CPVL: variants seen among roughly 807,000 people sequenced by gnomAD.
CPVL encodes carboxypeptidase vitellogenic like.
Under a neutral mutation model 63.7 loss-of-function variants are expected in CPVL, and 51 were observed. The ratio of observed to expected loss-of-function variants is 0.80; its 90% CI spans 0.64 to 1.01. The LOEUF is 1.01. Ranked by LOEUF, CPVL falls within the 50% of genes least tolerant of loss-of-function variation. The pLI is 0.00. For missense variants in CPVL, 530 were observed against 573.1 expected (o/e 0.92, Z 0.77); for synonymous variants, 195 against 206.0 (o/e 0.95, Z 0.46).
chr7:29,001,914 C>T (rs1034821872), intron 12 of CPVL, among the ~76,000 whole-genome samples: 2 of 152,136 alleles, frequency 1.3e-5, no homozygotes, highest in African/African-American at 4.8e-5. Flanking sequence ...TGTACCAAAC[C>T]AATCTTATTC....
intron 11 of CPVL, among the ~76,000 whole-genome samples, chr7:29,040,973 G>A (rs749214227): frequency 7.2e-5 from 11 of 151,998 alleles, no homozygotes; most frequent in Non-Finnish European, 1.6e-4. Flanking sequence ...GAATGATCCA[G>A]AATAATTCTT....
chr7:29,024,074 G>A (rs573241135), intron 12 of CPVL, among the ~76,000 whole-genome samples: 21 of 152,160 alleles, frequency 1.4e-4, no homozygotes, highest in African/African-American at 5.1e-4. Context: ...AGATAACACA[G>A]ATAAATAATA....
At chr7:29,130,946 T>C (rs2128657513) in intron 1 of CPVL, among the ~76,000 whole-genome samples, 1 of 152,306 alleles carries the variant, frequency 6.6e-6, no homozygotes, top group East Asian at 1.9e-4. Context: ...GAAATTACTT[T>C]TTGGGGTAAG....
intron 5 of CPVL, among the ~76,000 whole-genome samples, chr7:29,176,522 A>G (rs1206086538): frequency 6.6e-6 from 1 of 152,212 alleles, no homozygotes; most frequent in Non-Finnish European, 1.5e-5. Flanking sequence ...ATACAAATCT[A>G]ACTTTGATTC....
chr7:29,104,380 C>G (rs1172723027), intron 3 of CPVL, among the ~76,000 whole-genome samples: 1 of 152,168 alleles, frequency 6.6e-6, no homozygotes, highest in Non-Finnish European at 1.5e-5. Flanking sequence ...CCTGCCTCAG[C>G]CTCTGGAGTG....
intron 12 of CPVL, among the ~76,000 whole-genome samples, chr7:29,005,302 G>A (rs582390): frequency 0.44 from 66,393 of 151,982 alleles, 16,556 homozygotes; most frequent in Non-Finnish European, 0.58. Context: ...GACAAACAGA[G>A]TATTTTTTTC....
At chr7:29,089,424 A>AGTGTACACCAT (rs1785542306) in intron 6 of CPVL, among the ~76,000 whole-genome samples, 1 of 152,220 alleles carries the variant, frequency 6.6e-6, no homozygotes, top group Non-Finnish European at 1.5e-5. Context: ...ATGCCAAAAA[A>AGTGTACACCAT]GCCAAGCAAA....
chr7:29,182,685 A>G (rs1798211541), intron 4 of CPVL, among the ~76,000 whole-genome samples: 1 of 152,224 alleles, frequency 6.6e-6, no homozygotes, highest in Non-Finnish European at 1.5e-5. Flanking sequence ...GTCCCTCAAG[A>G]TTGTTAGCAT....
intron 11 of CPVL, among the ~76,000 whole-genome samples, chr7:29,033,196 G>A (rs1031681195): frequency 6.8e-6 from 1 of 147,666 alleles, no homozygotes; most frequent in African/African-American, 2.5e-5. Flanking sequence ...AGGCAGGCCA[G>A]CATTAAATAT....
intron 1 of CPVL, among the ~76,000 whole-genome samples, chr7:29,129,796 T>G (rs1166427301): frequency 1.3e-5 from 2 of 152,162 alleles, no homozygotes; most frequent in Non-Finnish European, 2.9e-5. Context: ...AACCTAATAA[T>G]TAGCTACAAT....
chr7:29,058,344 G>C (rs1323645623), intron 11 of CPVL, among the ~76,000 whole-genome samples: 1 of 152,070 alleles, frequency 6.6e-6, no homozygotes, highest in Non-Finnish European at 1.5e-5. Context: ...ACATAGGAAA[G>C]TGATTAACTT....
intron 12 of CPVL, among the ~76,000 whole-genome samples, chr7:29,029,847 ATCCTAAAT>A (rs1370566687): frequency 6.6e-6 from 1 of 152,242 alleles, no homozygotes; most frequent in Non-Finnish European, 1.5e-5. Flanking sequence ...GGTGATGGAT[ATCCTAAAT>A]ACCCTGATTT....
chr7:29,034,611 C>A (rs1484898697), intron 11 of CPVL, among the ~76,000 whole-genome samples: 2 of 152,054 alleles, frequency 1.3e-5, no homozygotes, highest in African/African-American at 2.4e-5. Flanking sequence ...TTGTTCCCCC[C>A]ATGTGTCCAT....
intron 7 of CPVL, among the ~76,000 whole-genome samples, chr7:29,082,804 T>C (rs995034917): frequency 2.6e-5 from 4 of 152,232 alleles, no homozygotes; most frequent in Non-Finnish European, 5.9e-5. Flanking sequence ...GTCAAATTTT[T>C]CATCTGGGAT....
chr7:29,103,626 G>C (rs1289058870), intron 3 of CPVL, among the ~76,000 whole-genome samples: 1 of 151,970 alleles, frequency 6.6e-6, no homozygotes, highest in African/African-American at 2.4e-5. Flanking sequence ...CAAGTGTTAG[G>C]GCAACATTTT....
At chr7:29,126,606 G>A (rs1584339891) in intron 1 of CPVL, 1 of 152,148 alleles carries the variant, frequency 6.6e-6, no homozygotes, top group East Asian at 1.9e-4. Context: ...TGCAGGATGA[G>A]GACAAACAAA....
intron 5 of CPVL, among the ~76,000 whole-genome samples, chr7:29,174,874 A>T (rs1797075938): frequency 6.6e-6 from 1 of 152,140 alleles, no homozygotes; most frequent in Non-Finnish European, 1.5e-5. Context: ...AAAAAAAAAA[A>T]AAGAATTTTT....
chr7:29,099,629 C>T (rs1018616596), intron 3 of CPVL, among the ~76,000 whole-genome samples: 6 of 152,116 alleles, frequency 3.9e-5, no homozygotes, highest in Non-Finnish European at 5.9e-5. Flanking sequence ...GGAGAATCAC[C>T]TGAACCTGGG....
intron 6 of CPVL, among the ~76,000 whole-genome samples, chr7:29,092,046 GA>G (rs1259128665): frequency 3.3e-5 from 5 of 151,818 alleles, no homozygotes; most frequent in Admixed American, 3.3e-4. Context: ...TTGTAGACTG[GA>G]AAAATCTGAC....
Sources: gnomAD v4.1 joint callset for allele counts (sites outside exome capture counted in the v4.1 genomes callset) on GRCh38, gnomAD v4.1.1 for gene constraint, MANE v1.5 for transcripts, NCBI Gene and HGNC (gene_info 2026-07-23, HGNC 2026-07-21) for gene names.